The following PPP2R2B variants were observed in gnomAD, a reference collection of about 807,000 sequenced individuals.
PPP2R2B encodes the protein serine/threonine-protein phosphatase 2A 55 kDa regulatory subunit B beta isoform.
Under a neutral mutation model 46.0 loss-of-function variants are expected in PPP2R2B, and 5 were observed. The ratio of observed to expected loss-of-function variants is 0.11; its 90% CI spans 0.06 to 0.23. The LOEUF is 0.23. PPP2R2B is among the 10% of genes least tolerant of loss of function. PPP2R2B has a pLI of 1.00. For missense variants in PPP2R2B, 367 were observed against 575.0 expected (o/e 0.64, Z 3.70); for synonymous variants, 215 against 206.7 (o/e 1.04, Z -0.34).
Position 146,725,169 on chromosome 5 carries a change from C to T in PPP2R2B, c.71-24027G>A, listed in dbSNP as rs142314157. ...AGTCATGCCTGGAGCCTGGAGAGCACACAATTTCAAGAAAACAGTTTCCAT... is the reference window on the plus strand; with the variant it reads ...AGTCATGCCTGGAGCCTGGAGAGCATACAATTTCAAGAAAACAGTTTCCAT... On this transcript the variant is annotated intron_variant, in intron 2 of 9. Coordinates refer to ENST00000394411, the MANE Select transcript of PPP2R2B (RefSeq NM_181675.4). 7.2e-5 allele frequency among the ~76,000 whole-genome samples: 11 copies of T among 152,242 alleles called. No homozygotes were observed. In the East Asian group the frequency reaches 2.1e-3, roughly 29 times the overall value.
intron 1 of PPP2R2B, among the ~76,000 whole-genome samples, chr5:146,944,326 A>G (rs371260472): frequency 1.0e-3 from 152 of 152,302 alleles, no homozygotes; most frequent in Middle Eastern, 6.8e-3. Context: ...GAGATTGAAA[A>G]GAGATTTTCA....
At chr5:147,043,761 A>G (rs566449035) in intron 1 of PPP2R2B, among the ~76,000 whole-genome samples, 2 of 152,294 alleles carry the variant, frequency 1.3e-5, no homozygotes, top group East Asian at 3.9e-4. Flanking sequence ...ATCACCTTAC[A>G]GATAAAGAAA....
chr5:147,049,347 G>C (rs2151901594), intron 1 of PPP2R2B, among the ~76,000 whole-genome samples: 1 of 152,222 alleles, frequency 6.6e-6, no homozygotes, highest in South Asian at 2.1e-4. Flanking sequence ...TTATTTCCTA[G>C]GCTGGAGAAG....
chr5:146,695,962 C>G (rs1313934734), intron 4 of PPP2R2B, among the ~76,000 whole-genome samples: 2 of 151,940 alleles, frequency 1.3e-5, no homozygotes, highest in Non-Finnish European at 2.9e-5. Flanking sequence ...AAACAGTATC[C>G]CAAATGGGAA....
At chr5:146,857,628 T>A (rs1285297863) in intron 2 of PPP2R2B, among the ~76,000 whole-genome samples, 1 of 152,208 alleles carries the variant, frequency 6.6e-6, no homozygotes, top group East Asian at 1.9e-4. Context: ...GTCCTCTGTT[T>A]TGTAATCAAA....
In PPP2R2B at chr5:146,917,075, T is replaced by A. The variant is rs115273518; in HGVS notation, c.79+138590A>T. Reference sequence around the variant, plus strand: ...TAGCAATTATTACAAATAATCCCTATATTATAGGAATTATTTGGGTTTCTG... The same window carrying A: ...TAGCAATTATTACAAATAATCCCTAAATTATAGGAATTATTTGGGTTTCTG... On this transcript the variant is annotated intron_variant, in intron 1 of 8. Transcript: ENST00000336640. Among the ~76,000 whole-genome samples, 809 of 152,324 alleles carry A rather than the reference T, an allele frequency of 5.3e-3. 5 individuals carry two copies. Among genetic ancestry groups the A allele is most frequent in the African/African-American group, 0.018 (765 of 41,562 alleles).
rs538596877 is a variant in PPP2R2B, at chr5:146,998,936, C to A, written c.79+56729G>T. Among the ~76,000 whole-genome samples the A allele has an allele frequency of 4.7e-5, 7 of 148,702 alleles. No individual in the cohort carries two copies. The East Asian group carries it at 1.2e-3, about 25-fold the overall frequency. On this transcript the variant is annotated intron_variant, in intron 1 of 8. Transcript: ENST00000336640. ...GGAGTAGAAAGTGTCAGAGCGGGAACCCGGGAGGCGGAGCTTGCAGTGAGC... is the reference window on the plus strand; with the variant it reads ...GGAGTAGAAAGTGTCAGAGCGGGAAACCGGGAGGCGGAGCTTGCAGTGAGC...
intron 2 of PPP2R2B, among the ~76,000 whole-genome samples, chr5:146,736,705 A>G (rs1050444876): frequency 6.6e-6 from 1 of 152,156 alleles, no homozygotes; most frequent in Non-Finnish European, 1.5e-5. Context: ...GTGAATGAGA[A>G]TGTTCTGACT....
In PPP2R2B at chr5:146,849,370, C is replaced by T. The variant is rs570871452; in HGVS notation, c.70+28632G>A. 4.6e-5 allele frequency among the ~76,000 whole-genome samples: 7 copies of T among 152,302 alleles called. No individual in the cohort carries two copies. The South Asian group carries it at 1.5e-3, about 32-fold the overall frequency. ...TTAATTCATTACCACATGTAGCATT[C>T]TAACATCCTCCTCTTGCTTATCTGT... On this transcript the variant is annotated intron_variant, in intron 2 of 9. Transcript: ENST00000394411.
chr5:146,615,531 G>GA (rs1253673718), intron 7 of PPP2R2B, among the ~76,000 whole-genome samples: 8,046 of 110,914 alleles, frequency 0.073, 412 homozygotes, highest in East Asian at 0.23. Flanking sequence ...AAAAAAAAAA[G>GA]AAAAAAAAAA....
chr5:146,671,963 G>A (rs144635783), intron 5 of PPP2R2B, among the ~76,000 whole-genome samples: 18 of 152,242 alleles, frequency 1.2e-4, no homozygotes, highest in East Asian at 7.7e-4. Context: ...TAAGCAAAAC[G>A]GAGAGAATAA....
intron 2 of PPP2R2B, among the ~76,000 whole-genome samples, chr5:146,721,028 T>G (rs1780767667): frequency 6.6e-6 from 1 of 152,190 alleles, no homozygotes; most frequent in African/African-American, 2.4e-5. Context: ...ATTTATTTTT[T>G]ATTTCTTGAA....
intron 2 of PPP2R2B, among the ~76,000 whole-genome samples, chr5:146,835,406 C>T (rs1213452365): frequency 6.6e-6 from 1 of 152,054 alleles, no homozygotes. Flanking sequence ...AAGCATAGAG[C>T]CCACTTCAGC....
At chr5:146,875,498 C>T (rs1761845320) in intron 2 of PPP2R2B, among the ~76,000 whole-genome samples, 1 of 152,100 alleles carries the variant, frequency 6.6e-6, no homozygotes, top group Admixed American at 6.5e-5. Flanking sequence ...ACTTACAATG[C>T]AAATTGAGTT....
At chr5:146,788,130 G>T (rs1023502601) in intron 2 of PPP2R2B, among the ~76,000 whole-genome samples, 12 of 152,160 alleles carry the variant, frequency 7.9e-5, no homozygotes, top group African/African-American at 2.9e-4. Context: ...TGCGCAAGTT[G>T]CCTCCAGTTT....
At chr5:146,672,996 C>T (rs1777472629) in intron 5 of PPP2R2B, among the ~76,000 whole-genome samples, 1 of 152,176 alleles carries the variant, frequency 6.6e-6, no homozygotes, top group Non-Finnish European at 1.5e-5. Context: ...AGTTTACAGA[C>T]TGTTTGGAAT....
chr5:146,781,939 AGGTGATAGG>A (rs1314628635), intron 2 of PPP2R2B, among the ~76,000 whole-genome samples: 1 of 152,146 alleles, frequency 6.6e-6, no homozygotes, highest in African/African-American at 2.4e-5. Flanking sequence ...GCCTGGTGAG[AGGTGATAGG>A]ATCATGGGGG....
intron 2 of PPP2R2B, among the ~76,000 whole-genome samples, chr5:147,077,272 G>A (rs893256306): frequency 9.2e-6 from 1 of 108,954 alleles, no homozygotes; most frequent in African/African-American, 3.4e-5. Context: ...ATGTATGTGT[G>A]TATACACACA....
intron 5 of PPP2R2B, among the ~76,000 whole-genome samples, chr5:146,683,989 G>A (rs575631225): frequency 1.1e-3 from 166 of 152,282 alleles, no homozygotes; most frequent in African/African-American, 3.7e-3. Context: ...GGAGGATAGA[G>A]CGAAGGTTGA....
Sources: allele counts gnomAD v4.1 joint callset (sites outside exome capture counted in the v4.1 genomes callset), GRCh38; gene constraint gnomAD v4.1.1; transcripts MANE v1.5; gene names NCBI Gene and HGNC (gene_info 2026-07-23, HGNC 2026-07-21).